ABCB1: variants seen among roughly 807,000 people sequenced by gnomAD.
ABCB1 encodes ATP binding cassette subfamily B member 1.
A neutral mutation model predicts 142.0 loss-of-function variants in ABCB1; 69 were observed. That is an observed-to-expected ratio of 0.49 (90% CI 0.40 to 0.59). The LOEUF is 0.59. ABCB1 is among the 20% of genes least tolerant of loss of function. The pLI, the probability that ABCB1 is intolerant of heterozygous loss-of-function variation, is 0.00. For synonymous variants in ABCB1, 532 were observed against 539.2 expected (o/e 0.99, Z 0.18); for missense variants, 1,326 against 1,554.7 (o/e 0.85, Z 2.47).
intron 1 of ABCB1, among the ~76,000 whole-genome samples, chr7:87,641,056 G>C (rs1822401077): frequency 6.6e-6 from 1 of 151,366 alleles, no homozygotes; most frequent in Admixed American, 6.6e-5. Flanking sequence ...TCCTTTCTTT[G>C]TCATGTATGT....
chr7:87,638,308 T>C (rs559673503), intron 1 of ABCB1, among the ~76,000 whole-genome samples: 2 of 151,832 alleles, frequency 1.3e-5, no homozygotes, highest in South Asian at 4.2e-4. Flanking sequence ...GTCATTAAGA[T>C]TATTTGGCTT....
In ABCB1 at chr7:87,503,951, A is replaced by G. The variant is rs201797139; in HGVS notation, c.*292T>C. On this transcript the variant is annotated 3_prime_UTR_variant, in exon 28 of 28. Coordinates refer to ENST00000622132, the MANE Select transcript of ABCB1 (RefSeq NM_001348946.2). ...TCTATAATCTTTTAGCAAGGCAGTC[A>G]GTTACAGTCCAAATGGGAAAATATA... The G allele has an allele frequency of 4.5e-6, 2 of 440,244 alleles. No individual in the cohort carries two copies. The highest frequency in any genetic ancestry group is 8.2e-6 in the Non-Finnish European group (2 of 242,446). The allele number at this position is 440,244 out of a possible 1,614,324, so 27.3% of individuals were successfully genotyped here.
chr7:87,709,333 T>G (rs1468906906), intron 1 of ABCB1: 1 of 985,054 alleles, frequency 1.0e-6, no homozygotes, highest in African/African-American at 1.7e-5. Flanking sequence ...GCTACTAGTT[T>G]CTGTGTCTTT....
intron 1 of ABCB1, among the ~76,000 whole-genome samples, chr7:87,685,636 AG>A (rs1827383495): frequency 6.6e-6 from 1 of 152,200 alleles, no homozygotes. Flanking sequence ...ACCAAACTGT[AG>A]TATCAGAGAA....
chr7:87,687,529 C>G (rs772964485), intron 1 of ABCB1, among the ~76,000 whole-genome samples: 1 of 152,144 alleles, frequency 6.6e-6, no homozygotes, highest in Non-Finnish European at 1.5e-5. Context: ...TCCACTAAAA[C>G]GTAAGCTTTA....
intron 1 of ABCB1, among the ~76,000 whole-genome samples, chr7:87,623,304 G>GAA (rs1481961125): frequency 6.6e-6 from 1 of 152,118 alleles, no homozygotes; most frequent in Non-Finnish European, 1.5e-5. Flanking sequence ...ATTTTAAAAA[G>GAA]AAAAATATCC....
At chr7:87,525,560 AT>A (rs1441477579) in intron 21 of ABCB1, among the ~76,000 whole-genome samples, 2 of 152,210 alleles carry the variant, frequency 1.3e-5, no homozygotes, top group African/African-American at 4.8e-5. Context: ...ACATATTTGT[AT>A]TTTTATAATA....
intron 5 of ABCB1, among the ~76,000 whole-genome samples, 153 bp from the exon 6 acceptor site, chr7:87,567,129 A>T (rs937085187): frequency 2.0e-5 from 3 of 152,210 alleles, no homozygotes; most frequent in Non-Finnish European, 4.4e-5. Flanking sequence ...GTTGATAGTC[A>T]CCATCCAACT....
chr7:87,712,631 T>C (rs1191834938), intron 1 of ABCB1, among the ~76,000 whole-genome samples: 1 of 152,114 alleles, frequency 6.6e-6, no homozygotes, highest in Non-Finnish European at 1.5e-5. Context: ...AGATTATTTT[T>C]AGAACAAGTA....
chr7:87,552,721 G>A (rs10225464), intron 9 of ABCB1, among the ~76,000 whole-genome samples: 86,733 of 145,570 alleles, frequency 0.6, 26,652 homozygotes, highest in African/African-American at 0.74. Flanking sequence ...GAAAAAAAAA[G>A]AAAAAGAAGT....
intron 1 of ABCB1, among the ~76,000 whole-genome samples, chr7:87,623,111 C>T (rs1250736484): frequency 6.6e-6 from 1 of 152,054 alleles, no homozygotes; most frequent in Admixed American, 6.6e-5. Flanking sequence ...CTGGCTCTGC[C>T]ATTTACTATG....
At chr7:87,677,348 AAAG>A (rs1034146511) in intron 1 of ABCB1, among the ~76,000 whole-genome samples, 1 of 151,864 alleles carries the variant, frequency 6.6e-6, no homozygotes, top group Non-Finnish European at 1.5e-5. Context: ...AAAAAAAAAA[AAAG>A]GAAATCCTGC....
chr7:87,658,445 A>G (rs999714593), intron 1 of ABCB1, among the ~76,000 whole-genome samples: 5 of 152,212 alleles, frequency 3.3e-5, no homozygotes, highest in African/African-American at 1.2e-4. Flanking sequence ...TTCTTGAAGG[A>G]GAGAAGAAAG....
chr7:87,634,896 C>T (rs775548372), intron 1 of ABCB1, among the ~76,000 whole-genome samples: 23 of 152,130 alleles, frequency 1.5e-4, no homozygotes, highest in Non-Finnish European at 2.6e-4. Flanking sequence ...TTAGTAGATG[C>T]GCACAATGGA....
At position 87,566,380 on chromosome 7, in the gene ABCB1, G is replaced by A. The variant is rs541216019; in HGVS notation, c.531-139C>T. The stretch of plus-strand genomic sequence containing the variant: ...CTTTGTTTTATTTAGCAGGGTAGAA[G>A]TTTCTACTAGGATATTTGTCATTAA... On this transcript the variant is annotated intron_variant, in intron 6 of 27. Coordinates refer to ENST00000622132, the MANE Select transcript of ABCB1 (RefSeq NM_001348946.2). The A allele has an allele frequency of 5.8e-6, 5 of 855,470 alleles. No individual in the cohort carries two copies. In the South Asian group the frequency reaches 7.6e-5, roughly 13 times the overall value. The allele number at this position is 855,470 out of a possible 1,614,324, so 53.0% of individuals were successfully genotyped here.
chr7:87,660,472 C>T (rs1386058573), intron 1 of ABCB1, among the ~76,000 whole-genome samples: 1 of 152,046 alleles, frequency 6.6e-6, no homozygotes, highest in Non-Finnish European at 1.5e-5. Context: ...TTAAAGCTCT[C>T]TAAAGAGATA....
At chr7:87,531,191 A>G in intron 21 of ABCB1, 103 bp downstream of exon 21, 1 of 1,047,334 alleles carries the variant, frequency 9.5e-7, no homozygotes, top group African/African-American at 1.6e-5. Context: ...GAATGGTTAT[A>G]AACACATTCT....
intron 1 of ABCB1, among the ~76,000 whole-genome samples, chr7:87,677,113 G>T (rs1826445999): frequency 6.6e-6 from 1 of 152,106 alleles, no homozygotes; most frequent in South Asian, 2.1e-4. Context: ...TGATCCAGCA[G>T]TTCTACTTCT....
intron 1 of ABCB1, among the ~76,000 whole-genome samples, chr7:87,671,244 G>A (rs1214415003): frequency 3.9e-5 from 6 of 152,304 alleles, no homozygotes; most frequent in South Asian, 2.1e-4. Context: ...GGTTGGAGGT[G>A]TGGACACGAC....
Sources: gnomAD v4.1 joint callset for allele counts (sites outside exome capture counted in the v4.1 genomes callset) on GRCh38, gnomAD v4.1.1 for gene constraint, MANE v1.5 for transcripts, NCBI Gene and HGNC (gene_info 2026-07-23, HGNC 2026-07-21) for gene names.